Variants in ITK observed in about 807,000 individuals in gnomAD.
ITK encodes the protein tyrosine-protein kinase ITK/TSK.
In ITK, 45 loss-of-function variants were observed where a neutral mutation model predicts 87.6. The ratio of observed to expected loss-of-function variants is 0.51; its 90% CI spans 0.40 to 0.66. ITK has a LOEUF of 0.66. Ranked by LOEUF, ITK falls within the 30% of genes least tolerant of loss-of-function variation. The pLI is 0.00. For synonymous variants in ITK, 303 were observed against 273.6 expected, an observed-to-expected ratio of 1.11 and a Z score of -1.06; for missense variants, 605 against 766.3, an observed-to-expected ratio of 0.79 and a Z score of 2.48.
At chr5:157,225,278 A>G (rs451313) in intron 6 of ITK, among the ~76,000 whole-genome samples, 107,358 of 151,986 alleles carry the variant, frequency 0.71, 38,451 homozygotes, top group East Asian at 0.98. Flanking sequence ...TTACAGGCAT[A>G]AGCCACCATA....
chr5:157,247,470 A>C (rs1299721234), intron 15 of ITK, among the ~76,000 whole-genome samples: 1 of 152,220 alleles, frequency 6.6e-6, no homozygotes, highest in African/African-American at 2.4e-5. Flanking sequence ...AGGGCCCCAC[A>C]ATGAGACATT....
At chr5:157,240,278 C>T (rs1303126405) in intron 10 of ITK, 83 bp downstream of exon 10, 6 of 1,283,466 alleles carry the variant, frequency 4.7e-6, no homozygotes, top group Non-Finnish European at 6.8e-6. Flanking sequence ...CTGAGCTCTG[C>T]CTTCTGTCAG....
At chr5:157,219,411 C>A (rs1365628857) in intron 5 of ITK, among the ~76,000 whole-genome samples, 1 of 152,186 alleles carries the variant, frequency 6.6e-6, no homozygotes, top group Non-Finnish European at 1.5e-5. Context: ...CTGTGCCTGA[C>A]CAATACCCAC....
At chr5:157,209,213 T>G (rs1489375278) in intron 2 of ITK, among the ~76,000 whole-genome samples, 1 of 151,884 alleles carries the variant, frequency 6.6e-6, no homozygotes, top group Non-Finnish European at 1.5e-5. Context: ...GCGCCTGTTA[T>G]CCCAGCTACT....
chr5:157,233,019 G>A (rs1219999402), intron 8 of ITK, among the ~76,000 whole-genome samples: 2 of 152,222 alleles, frequency 1.3e-5, no homozygotes, highest in African/African-American at 2.4e-5. Context: ...TGCATAGCAG[G>A]ACCGATTTTA....
At chr5:157,198,759 TTTGTTTTGTTTTATC>T (rs1322056125) in intron 1 of ITK, among the ~76,000 whole-genome samples, 1 of 152,142 alleles carries the variant, frequency 6.6e-6, no homozygotes, top group Non-Finnish European at 1.5e-5. Context: ...GCATATCTTT[TTTGTTTTGTTTTATC>T]TTGTTTTGTT....
intron 1 of ITK, among the ~76,000 whole-genome samples, chr5:157,183,703 G>T (rs1415369966): frequency 6.6e-6 from 1 of 152,194 alleles, no homozygotes; most frequent in Non-Finnish European, 1.5e-5. Flanking sequence ...TTGTGGGGTA[G>T]ATATACATGC....
intron 1 of ITK, among the ~76,000 whole-genome samples, chr5:157,197,850 T>G (rs1469395875): frequency 6.6e-6 from 1 of 152,328 alleles, no homozygotes; most frequent in Non-Finnish European, 1.5e-5. Context: ...GTGTAATAAA[T>G]AATGCTTCTG....
In ITK at chr5:157,240,134, T is replaced by C. The variant is rs1168905197; in HGVS notation, c.924T>C (p.Ala308=). Residue 308 remains alanine (A), a synonymous_variant, in exon 10 of 17, where the codon GCT becomes GCC. Transcript: ENST00000422843. ...ACAATCCTAAGCGATACTATGTGGCTGAAAAGTATGTGTTCGATTCCATCC... is the reference window on the plus strand; with the variant it reads ...ACAATCCTAAGCGATACTATGTGGCCGAAAAGTATGTGTTCGATTCCATCC... ...TNDNPKRYYV[A]EKYVFDSIPL... is the part of the protein sequence containing the mutation. The C allele has an allele frequency of 6.2e-7, 1 of 1,613,758 alleles. No homozygotes were observed. The highest frequency in any genetic ancestry group is 8.5e-7 in the Non-Finnish European group (1 of 1,179,732).
Position 157,180,849 on chromosome 5 carries a change from G to A in ITK, c.-129G>A. 4.8e-6 allele frequency: 4 copies of A among 832,814 alleles called. No homozygotes were observed. Among genetic ancestry groups the A allele is most frequent in the Non-Finnish European group, 8.0e-6 (4 of 501,650 alleles). The allele number at this position is 832,814 out of a possible 1,614,324, so 51.6% of individuals were successfully genotyped here. ...ACGTTGATAGAAAGATAACGTTGAA[G>A]GCAAGTTGCCCTTGAGCAGCTCTCT... is the stretch of plus-strand genomic sequence containing the variant. On this transcript the variant is annotated 5_prime_UTR_variant, in exon 1 of 17. Coordinates refer to ENST00000422843, the MANE Select transcript of ITK (RefSeq NM_005546.4).
intron 1 of ITK, among the ~76,000 whole-genome samples, chr5:157,202,673 T>A (rs920912064): frequency 6.6e-6 from 1 of 152,188 alleles, no homozygotes; most frequent in Non-Finnish European, 1.5e-5. Flanking sequence ...GATTGCTGGG[T>A]CAAATGGTAA....
intron 1 of ITK, among the ~76,000 whole-genome samples, chr5:157,191,695 A>T (rs1344095256): frequency 6.6e-6 from 1 of 152,164 alleles, no homozygotes; most frequent in Admixed American, 6.6e-5. Context: ...CATATATATG[A>T]TTTTTTAATG....
chr5:157,204,751 C>T (rs1367396801), intron 1 of ITK, among the ~76,000 whole-genome samples: 1 of 152,070 alleles, frequency 6.6e-6, no homozygotes, highest in Admixed American at 6.6e-5. Context: ...GCATTAGCCA[C>T]CATACTGAGC....
At chr5:157,240,225 C>G in intron 10 of ITK, 30 bp downstream of exon 10, 1 of 1,611,092 alleles carries the variant, frequency 6.2e-7, no homozygotes, top group Non-Finnish European at 8.5e-7. Flanking sequence ...TGGACCCGGG[C>G]CGCCCAGCAG....
At chr5:157,246,293 C>T (rs1327370161) in intron 15 of ITK, among the ~76,000 whole-genome samples, 2 of 152,188 alleles carry the variant, frequency 1.3e-5, no homozygotes, top group Non-Finnish European at 2.9e-5. Context: ...CAAATATGAG[C>T]CCCTTGAAGG....
chr5:157,211,350 G>A lies in ITK; in HGVS notation c.307G>A (p.Val103Met), dbSNP rs778856924. The change falls in exon 3 of 17, where the codon GTG (valine) becomes ATG (methionine). Residue 103 changes from valine (V) to methionine (M), a missense_variant. Physicochemically the swap from Val to Met is conservative, Grantham distance 21. Coordinates refer to ENST00000422843, the MANE Select transcript of ITK (RefSeq NM_005546.4). ...AGATCGTGAGAGCCGGCAGCGCTGG[G>A]TGCTGGCCCTTAAAGAAGGTAATTA... ...APDRESRQRW[V>M]LALKEETRNN... 1.1e-5 allele frequency: 17 copies of A among 1,613,774 alleles called. No homozygotes were observed. In the Admixed American group the frequency reaches 1.5e-4, roughly 14 times the overall value.
At chr5:157,205,137 T>C (rs1463626106) in intron 1 of ITK, among the ~76,000 whole-genome samples, 1 of 152,236 alleles carries the variant, frequency 6.6e-6, no homozygotes, top group Admixed American at 6.5e-5. Context: ...GCATCTGTTA[T>C]AAGCCAGTTA....
intron 1 of ITK, among the ~76,000 whole-genome samples, chr5:157,208,353 G>A (rs1308578770): frequency 3.9e-5 from 6 of 152,170 alleles, no homozygotes; most frequent in Admixed American, 1.3e-4. Context: ...GGAGGACATG[G>A]AGAAGGGATA....
chr5:157,245,246 T>A (rs866584299), intron 13 of ITK: 5 of 182,366 alleles, frequency 2.7e-5, no homozygotes, highest in African/African-American at 7.6e-5. Context: ...AAAAAAAAAA[T>A]TGAGACACAC....
Sources: gnomAD v4.1 joint callset for allele counts (sites outside exome capture counted in the v4.1 genomes callset) on GRCh38, gnomAD v4.1.1 for gene constraint, MANE v1.5 for transcripts, NCBI Gene and HGNC (gene_info 2026-07-23, HGNC 2026-07-21) for gene names.